NREP: variants seen among roughly 807,000 people sequenced by gnomAD.
NREP encodes the protein neuronal regeneration related protein, also known as neuronal regeneration-related protein.
In NREP, 5 loss-of-function variants were observed where a neutral mutation model predicts 8.6. The ratio of observed to expected loss-of-function variants is 0.58; its 90% CI spans 0.30 to 1.22. NREP has a LOEUF of 1.22. Among genes scored for constraint, NREP ranks in the 50% most tolerant of loss-of-function variants. NREP has a pLI of 0.07. For missense variants in NREP, 86 were observed against 82.5 expected, an observed-to-expected ratio of 1.04 and a Z score of -0.17; for synonymous variants, 27 against 28.0, an observed-to-expected ratio of 0.96 and a Z score of 0.11.
At chr5:111,745,757 T>C (rs1164362990) in intron 2 of NREP, among the ~76,000 whole-genome samples, 1 of 152,194 alleles carries the variant, frequency 6.6e-6, no homozygotes, top group Non-Finnish European at 1.5e-5. Flanking sequence ...TTTTTGTTCC[T>C]CTCAGTTGAA....
chr5:111,755,084 C>T (rs1750615657), intron 2 of NREP, among the ~76,000 whole-genome samples: 1 of 151,988 alleles, frequency 6.6e-6, no homozygotes, highest in Non-Finnish European at 1.5e-5. Flanking sequence ...TATACTTATT[C>T]AGCTGCTTTT....
Position 111,964,116 on chromosome 5 carries a change from T to C in NREP, c.135+11158A>G, listed in dbSNP as rs1273341771. ...CCCTCTAGGGTAAATCGTTCTCTTA[T>C]GTATGTAATAGCCGTTCCCTTGCTT... On this transcript the variant is annotated intron_variant, in intron 2 of 3. Transcript: ENST00000395634. 2.0e-5 allele frequency among the ~76,000 whole-genome samples: 3 copies of C among 152,254 alleles called. No individual in the cohort carries two copies. The East Asian group carries it at 5.8e-4, about 29-fold the overall frequency.
intron 2 of NREP, among the ~76,000 whole-genome samples, chr5:111,843,708 GAAAGCCCTTT>G (rs1020451811): frequency 6.6e-6 from 1 of 152,160 alleles, no homozygotes; most frequent in African/African-American, 2.4e-5. Context: ...CTTTAGCTGG[GAAAGCCCTTT>G]ACCAGTCAGC....
intron 2 of NREP, among the ~76,000 whole-genome samples, chr5:111,799,668 C>T (rs1040151693): frequency 6.6e-6 from 1 of 152,100 alleles, no homozygotes; most frequent in Admixed American, 6.6e-5. Flanking sequence ...AGAAATAAAA[C>T]CTTAGGCTTA....
intron 2 of NREP, among the ~76,000 whole-genome samples, chr5:111,859,749 T>C (rs1322287302): frequency 6.6e-6 from 1 of 152,052 alleles, no homozygotes; most frequent in African/African-American, 2.4e-5. Context: ...TCCAAAAATA[T>C]CTACCATCCC....
At chr5:111,902,618 A>G (rs1754673459) in intron 2 of NREP, among the ~76,000 whole-genome samples, 1 of 152,104 alleles carries the variant, frequency 6.6e-6, no homozygotes, top group Non-Finnish European at 1.5e-5. Context: ...TGCTGGAGGC[A>G]TTTTCCTTGT....
chr5:111,889,490 G>T (rs1347524990), intron 2 of NREP, among the ~76,000 whole-genome samples: 1 of 152,068 alleles, frequency 6.6e-6, no homozygotes, highest in African/African-American at 2.4e-5. Context: ...ACATCATACT[G>T]CCCTTACTCC....
intron 2 of NREP, among the ~76,000 whole-genome samples, chr5:111,798,306 AC>A (rs1375165436): frequency 1.3e-5 from 2 of 152,154 alleles, no homozygotes; most frequent in Non-Finnish European, 2.9e-5. Context: ...TTGGAAATTG[AC>A]TTTTTCTAAT....
chr5:111,857,164 G>A (rs1435496612), intron 2 of NREP, among the ~76,000 whole-genome samples: 1 of 152,184 alleles, frequency 6.6e-6, no homozygotes, highest in Non-Finnish European at 1.5e-5. Flanking sequence ...CTGGAAAGCA[G>A]GGCTGGGAGT....
chr5:111,876,572 C>T (rs1472243786), intron 2 of NREP, among the ~76,000 whole-genome samples: 1 of 152,162 alleles, frequency 6.6e-6, no homozygotes, highest in Admixed American at 6.5e-5. Context: ...GTGTACTGCA[C>T]TCTTCAACTT....
At chr5:111,785,993 T>C (rs927260200) in intron 2 of NREP, among the ~76,000 whole-genome samples, 1 of 152,100 alleles carries the variant, frequency 6.6e-6, no homozygotes, top group Non-Finnish European at 1.5e-5. Flanking sequence ...TTTTATCACG[T>C]AGTGTGGAGC....
rs551308084 is a variant in NREP, at chr5:111,866,099, T to A, written c.135+109175A>T. Among the ~76,000 whole-genome samples the A allele has an allele frequency of 5.7e-3, 869 of 152,302 alleles. 5 individuals carry two copies. Among genetic ancestry groups the A allele is most frequent in the Non-Finnish European group, 9.6e-3 (655 of 68,022 alleles). On this transcript the variant is annotated intron_variant, in intron 2 of 3. Coordinates refer to the NREP transcript ENST00000395634. Reference sequence around the variant, plus strand: ...GAAAGACATAGGCATGGGCAAGGACTTCATGTCTAAAACACCAAAAGCAAT... The same window carrying A: ...GAAAGACATAGGCATGGGCAAGGACATCATGTCTAAAACACCAAAAGCAAT...
At chr5:111,824,601 AG>A (rs1328293901) in intron 2 of NREP, among the ~76,000 whole-genome samples, 2 of 152,162 alleles carry the variant, frequency 1.3e-5, no homozygotes, top group Non-Finnish European at 1.5e-5. Flanking sequence ...TGTTGATGGA[AG>A]GGCACATTTA....
intron 3 of NREP, chr5:111,734,860 A>ATTGT (rs1397065062): frequency 4.3e-6 from 2 of 463,690 alleles, no homozygotes; most frequent in African/African-American, 2.0e-5. Flanking sequence ...AGTAGTTGTT[A>ATTGT]TTGTTTGTTT....
upstream of NREP, among the ~76,000 whole-genome samples, chr5:111,762,576 C>A (rs536469246): frequency 6.6e-6 from 1 of 152,074 alleles, no homozygotes; most frequent in Admixed American, 6.5e-5. Flanking sequence ...TATGGTCGGG[C>A]TCTAACCTGA....
At chr5:111,914,452 G>A (rs529466595) in intron 2 of NREP, among the ~76,000 whole-genome samples, 1 of 152,152 alleles carries the variant, frequency 6.6e-6, no homozygotes, top group South Asian at 2.1e-4. Flanking sequence ...CATTCCACAA[G>A]TTACTTCCTC....
intron 2 of NREP, among the ~76,000 whole-genome samples, chr5:111,771,290 G>C (rs1561659984): frequency 6.6e-6 from 1 of 152,144 alleles, no homozygotes. Context: ...GATTCTTTGA[G>C]TTAGGCATTC....
intron 2 of NREP, among the ~76,000 whole-genome samples, chr5:111,936,321 G>A (rs1267908564): frequency 2.6e-5 from 4 of 151,992 alleles, no homozygotes; most frequent in Admixed American, 2.6e-4. Context: ...TTTTATAAGT[G>A]TGTGACAGTT....
intron 2 of NREP, among the ~76,000 whole-genome samples, chr5:111,834,123 C>T (rs1200555449): frequency 6.6e-6 from 1 of 152,112 alleles, no homozygotes; most frequent in Non-Finnish European, 1.5e-5. Context: ...AGAGCAAATG[C>T]CAGGAGATTC....
Sources: gnomAD v4.1 joint callset for allele counts (sites outside exome capture counted in the v4.1 genomes callset) on GRCh38, gnomAD v4.1.1 for gene constraint, MANE v1.5 for transcripts, NCBI Gene and HGNC (gene_info 2026-07-23, HGNC 2026-07-21) for gene names.